The following SAMD8 variants were observed in gnomAD, a reference collection of about 807,000 sequenced individuals.
SAMD8 encodes sterile alpha motif domain containing 8.
SAMD8 carries 20 observed loss-of-function variants against 42.0 expected under a neutral mutation model. That is an observed-to-expected ratio of 0.48 (90% confidence interval 0.34 to 0.69). The LOEUF (loss-of-function observed/expected upper bound fraction) is 0.69. Ranked by LOEUF, SAMD8 falls within the 30% of genes least tolerant of loss-of-function variation. SAMD8 has a pLI of 0.01. For synonymous variants in SAMD8, 162 were observed against 173.0 expected (o/e 0.94, Z 0.50); for missense variants, 328 against 511.6 (o/e 0.64, Z 3.46).
chr10:75,144,926 T>C (rs1219009737), intron 1 of SAMD8, among the ~76,000 whole-genome samples: 2 of 152,158 alleles, frequency 1.3e-5, no homozygotes, highest in Non-Finnish European at 2.9e-5. Context: ...CCCAAAGTGT[T>C]GGGATTGCAA....
At chr10:75,155,348 A>G (rs1840385923) in intron 2 of SAMD8, among the ~76,000 whole-genome samples, 1 of 152,190 alleles carries the variant, frequency 6.6e-6, no homozygotes, top group Admixed American at 6.6e-5. Flanking sequence ...TCAGATGTCA[A>G]GGAAGAGATG....
intron 4 of SAMD8, among the ~76,000 whole-genome samples, chr10:75,174,202 T>G (rs1473125370): frequency 6.6e-6 from 1 of 152,140 alleles, no homozygotes; most frequent in East Asian, 1.9e-4. Flanking sequence ...CGATCTCTGT[T>G]CACTGCAAGC....
At chr10:75,162,917 T>A (rs1564693009) in intron 2 of SAMD8, among the ~76,000 whole-genome samples, 1 of 151,800 alleles carries the variant, frequency 6.6e-6, no homozygotes, top group Non-Finnish European at 1.5e-5. Flanking sequence ...AGAGAGGAAT[T>A]TTTTTTTCTT....
At chr10:75,168,085 C>T (rs1453449836) in intron 3 of SAMD8, among the ~76,000 whole-genome samples, 1 of 152,050 alleles carries the variant, frequency 6.6e-6, no homozygotes, top group Non-Finnish European at 1.5e-5. Flanking sequence ...CAACCTCCAC[C>T]TCCCGGGTTC....
At chr10:75,141,221 G>A (rs543750957) in intron 1 of SAMD8, among the ~76,000 whole-genome samples, 4 of 151,932 alleles carry the variant, frequency 2.6e-5, no homozygotes, top group African/African-American at 9.7e-5. Context: ...AGTGTGGTGC[G>A]CATGCACCTG....
chr10:75,134,635 C>T (rs1240240685), intron 1 of SAMD8, among the ~76,000 whole-genome samples: 4 of 151,684 alleles, frequency 2.6e-5, no homozygotes, highest in Admixed American at 6.6e-5. Context: ...ACTTTCCCCC[C>T]CCCAAAAAAA....
At chr10:75,162,915 A>AT (rs939244372) in intron 2 of SAMD8, among the ~76,000 whole-genome samples, 5 of 151,142 alleles carry the variant, frequency 3.3e-5, no homozygotes, top group East Asian at 1.9e-4. Flanking sequence ...CAAGAGAGGA[A>AT]TTTTTTTTTC....
intron 1 of SAMD8, among the ~76,000 whole-genome samples, chr10:75,117,117 A>G (rs544782679): frequency 1.3e-5 from 2 of 151,946 alleles, no homozygotes; most frequent in Non-Finnish European, 2.9e-5. Context: ...CCAGTGTAGC[A>G]TATTTAAAAA....
At chr10:75,143,553 T>G (rs1246230174) in intron 1 of SAMD8, among the ~76,000 whole-genome samples, 1 of 152,044 alleles carries the variant, frequency 6.6e-6, no homozygotes, top group South Asian at 2.1e-4. Flanking sequence ...GGTTTTAGGT[T>G]GTTGTTTTTT....
intron 4 of SAMD8, among the ~76,000 whole-genome samples, chr10:75,173,650 A>G (rs1162221660): frequency 6.6e-6 from 1 of 152,214 alleles, no homozygotes; most frequent in Non-Finnish European, 1.5e-5. Flanking sequence ...TAGCGATCAC[A>G]GAAGAACCAA....
chr10:75,118,585 A>C (rs1016793431), intron 1 of SAMD8, among the ~76,000 whole-genome samples: 3 of 152,230 alleles, frequency 2.0e-5, no homozygotes, highest in African/African-American at 4.8e-5. Flanking sequence ...CAGAGGCTGC[A>C]GTGGGCTGAG....
intron 1 of SAMD8, among the ~76,000 whole-genome samples, chr10:75,132,158 A>C (rs570628607): frequency 5.9e-5 from 9 of 152,308 alleles, no homozygotes; most frequent in Admixed American, 3.3e-4. Context: ...AACCTTTTCT[A>C]GACAGGTACT....
chr10:75,142,320 G>T lies in SAMD8; in HGVS notation c.-15-8194G>T, dbSNP rs763675359. Among the ~76,000 whole-genome samples, 4 of 152,014 alleles carry T rather than the reference G, an allele frequency of 2.6e-5. No individual in the cohort carries two copies. In the East Asian group the frequency reaches 7.8e-4, roughly 29 times the overall value. Reference sequence around the variant, plus strand: ...GGTTTAATTTTCTCTTTAGCTTCTTGGTGGTATTATTTTAGCTGATATTAG... The same window carrying T: ...GGTTTAATTTTCTCTTTAGCTTCTTTGTGGTATTATTTTAGCTGATATTAG... On this transcript the variant is annotated intron_variant, in intron 1 of 5. Transcript: ENST00000542569.
intron 4 of SAMD8, among the ~76,000 whole-genome samples, chr10:75,171,401 T>C (rs1352001589): frequency 6.6e-6 from 1 of 151,182 alleles, no homozygotes; most frequent in African/African-American, 2.4e-5. Context: ...TCTCCTGACC[T>C]CATGATCCGC....
At chr10:75,123,823 A>C (rs929452054) in intron 1 of SAMD8, among the ~76,000 whole-genome samples, 1 of 151,014 alleles carries the variant, frequency 6.6e-6, no homozygotes, top group Admixed American at 6.6e-5. Context: ...GAGAGTAGCT[A>C]CTCAGCCTCA....
chr10:75,134,629 T>TCC (rs34556956), intron 1 of SAMD8, among the ~76,000 whole-genome samples: 9 of 141,900 alleles, frequency 6.3e-5, no homozygotes, highest in African/African-American at 1.6e-4. Context: ...AGTGAGACTT[T>TCC]CCCCCCCCCA....
In SAMD8 at chr10:75,176,521, C is replaced by T. The variant is rs1564698551; in HGVS notation, c.1077C>T (p.Leu359=). Residue 359 remains leucine (L), a synonymous_variant, in exon 6 of 6, where the codon CTC becomes CTT. Transcript: ENST00000542569. This position sits in a 1 kb window ranked among gnomAD's most constrained non-coding sequence, Gnocchi z 4.3. ...VFIAFYITTR[L]FLYYHTLANT... is the part of the protein sequence containing the mutation. ...TTGCTTTTTATATAACAACAAGACT[C>T]TTTTTGTACTACCATACTCTGGCCA... 6.4e-7 allele frequency: 1 copy of T among 1,550,616 alleles called. No individual in the cohort carries two copies. The highest frequency in any genetic ancestry group is 8.7e-7 in the Non-Finnish European group (1 of 1,146,982).
chr10:75,109,222 C>G, upstream of SAMD8: 1 of 1,462,678 alleles, frequency 6.8e-7, no homozygotes, highest in African/African-American at 1.4e-5. Context: ...TGTCATTTCT[C>G]CTTCCCAGAG....
chr10:75,112,841 G>A (rs1848805032), intron 1 of SAMD8, among the ~76,000 whole-genome samples: 1 of 152,198 alleles, frequency 6.6e-6, no homozygotes, highest in Non-Finnish European at 1.5e-5. Flanking sequence ...AAAGTTTTAA[G>A]TTGACACATG....
Sources: gnomAD v4.1 joint callset for allele counts (sites outside exome capture counted in the v4.1 genomes callset) on GRCh38, gnomAD v4.1.1 for gene constraint, Gnocchi (gnomAD v3.1) non-coding constraint, MANE v1.5 for transcripts, NCBI Gene and HGNC (gene_info 2026-07-23, HGNC 2026-07-21) for gene names.